CENPS: variants seen among roughly 807,000 people sequenced by gnomAD.
CENPS encodes centromere protein S, also known as FANCM associated histone fold protein 1.
CENPS carries 16 observed loss-of-function variants against 17.9 expected under a neutral mutation model. That is an observed-to-expected ratio of 0.90 (90% confidence interval 0.61 to 1.36). The LOEUF is 1.36. CENPS is among the 40% of genes most tolerant of loss of function. The pLI, the probability that CENPS is intolerant of heterozygous loss-of-function variation, is 0.00. For missense variants in CENPS, 160 were observed against 158.6 expected, an observed-to-expected ratio of 1.01 and a Z score of -0.05; for synonymous variants, 49 against 55.8, an observed-to-expected ratio of 0.88 and a Z score of 0.54.
intron 3 of CENPS, 35 bp downstream of exon 3, chr1:10,434,725 TG>T: frequency 6.4e-7 from 1 of 1,568,750 alleles, no homozygotes; most frequent in Non-Finnish European, 8.6e-7. Context: ...ACACTGCGTC[TG>T]TGTAGCTTTT....
intron 4 of CENPS, 54 bp downstream of exon 4, chr1:10,440,467 C>G: frequency 6.2e-7 from 1 of 1,600,902 alleles, no homozygotes; most frequent in Non-Finnish European, 8.5e-7. Context: ...TACATTATTC[C>G]CAATCAATCA....
Position 10,430,549 on chromosome 1 carries a change from A to G in CENPS, c.32A>G (p.Gln11Arg). 2 of 1,534,786 alleles carry G rather than the reference A, an allele frequency of 1.3e-6. No homozygotes were observed. The highest frequency in any genetic ancestry group is 2.4e-5 in the South Asian group (2 of 82,446). Residue 11 changes from glutamine (Q) to arginine (R), a missense_variant, in exon 1 of 5, where the codon CAG becomes CGG. Transcript: ENST00000309048. ...GAGGAGGCGGAGACCGAGGAGCAGCAGCGATTCTCTTACCAACAGGTACAG... is the reference window on the plus strand; with the variant it reads ...GAGGAGGCGGAGACCGAGGAGCAGCGGCGATTCTCTTACCAACAGGTACAG... The part of the protein sequence containing the change: MEEEAETEEQ[Q>R]RFSYQQRLKA...
At chr1:10,438,345 G>A (rs1194312704) in intron 3 of CENPS, among the ~76,000 whole-genome samples, 1 of 151,534 alleles carries the variant, frequency 6.6e-6, no homozygotes, top group African/African-American at 2.4e-5. Flanking sequence ...GGGTTTCACT[G>A]TGTTGGCCAG....
intron 3 of CENPS, chr1:10,440,089 G>T (rs187774073): frequency 2.3e-4 from 114 of 500,434 alleles, no homozygotes; most frequent in Non-Finnish European, 3.4e-4. Flanking sequence ...CCTCCTGTCT[G>T]TGCTCTTATG....
At chr1:10,431,202 T>C (rs1366382609) in intron 1 of CENPS, 13 of 1,508,002 alleles carry the variant, frequency 8.6e-6, no homozygotes, top group Non-Finnish European at 1.1e-5. Flanking sequence ...ATATGGGGCG[T>C]CAGAGGCTGA....
chr1:10,431,256 G>A, intron 1 of CENPS: 1 of 1,534,474 alleles, frequency 6.5e-7, no homozygotes, highest in Non-Finnish European at 8.7e-7. Context: ...CCGGAGTGGC[G>A]ACCTTAAAGA....
At chr1:10,430,802 G>A in intron 1 of CENPS, 1 of 1,354,980 alleles carries the variant, frequency 7.4e-7, no homozygotes, top group Non-Finnish European at 9.4e-7. Flanking sequence ...CTAGGGGAGC[G>A]TGCGGGCGCC....
At chr1:10,441,476 G>A (rs1266015678) in intron 4 of CENPS, among the ~76,000 whole-genome samples, 2 of 151,076 alleles carry the variant, frequency 1.3e-5, no homozygotes, top group African/African-American at 4.9e-5. Flanking sequence ...CACCACACCC[G>A]GCTATTTTTG....
At chr1:10,438,252 C>A (rs752012872) in intron 3 of CENPS, among the ~76,000 whole-genome samples, 10 of 152,284 alleles carry the variant, frequency 6.6e-5, no homozygotes, top group Non-Finnish European at 1.0e-4. Flanking sequence ...TCAAGCGATT[C>A]GCCTTTCTCA....
At chr1:10,433,133 GCTCAA>G (rs1314872410) in intron 1 of CENPS, among the ~76,000 whole-genome samples, 1 of 152,136 alleles carries the variant, frequency 6.6e-6, no homozygotes, top group Admixed American at 6.5e-5. Flanking sequence ...CCACAGGTGG[GCTCAA>G]CAGAACTCTG....
chr1:10,431,999 CTG>C (rs1020110950), intron 1 of CENPS, among the ~76,000 whole-genome samples: 5 of 151,966 alleles, frequency 3.3e-5, no homozygotes, highest in African/African-American at 1.2e-4. Flanking sequence ...TTTCTTTTAA[CTG>C]TCTTTTTTCC....
intron 1 of CENPS, 125 bp downstream of exon 1, chr1:10,430,693 GC>G: frequency 7.2e-7 from 1 of 1,388,632 alleles, no homozygotes; most frequent in Non-Finnish European, 9.3e-7. Flanking sequence ...CCCCGCGGCT[GC>G]GCATGCGTTG....
At chr1:10,431,400 C>A (rs1196740512) in intron 1 of CENPS, 1 of 1,535,266 alleles carries the variant, frequency 6.5e-7, no homozygotes, top group Admixed American at 2.0e-5. Context: ...TGCAAGAACA[C>A]GGTACAGAAT....
At chr1:10,435,706 T>TACACACACACACACACACAC (rs1405520586) in intron 3 of CENPS, among the ~76,000 whole-genome samples, 34 of 141,856 alleles carry the variant, frequency 2.4e-4, no homozygotes, top group Middle Eastern at 3.6e-3. Context: ...AAAAATAATA[T>TACACACACACACACACACAC]ATATATATAT....
In CENPS at chr1:10,442,587, G is replaced by A; in HGVS notation, c.*182G>A. 1 of 1,107,226 alleles carries A rather than the reference G, an allele frequency of 9.0e-7. No homozygotes were observed. Among genetic ancestry groups the A allele is most frequent in the Non-Finnish European group, 1.2e-6 (1 of 862,796 alleles). 68.6% of individuals were successfully genotyped at this position (1,107,226 alleles called of 1,614,324 possible). On this transcript the variant is annotated 3_prime_UTR_variant, in exon 5 of 5. Coordinates refer to ENST00000309048, the MANE Select transcript of CENPS (RefSeq NM_199294.3). ...GTTAACTGCCAAAGCTAGTTTTAGA[G>A]AATGAGAAAGTCTTAAGCAAAATAC... is the stretch of plus-strand genomic sequence containing the variant.
intron 3 of CENPS, among the ~76,000 whole-genome samples, 168 bp downstream of exon 3, chr1:10,434,858 G>A (rs1040925521): frequency 1.3e-5 from 2 of 152,096 alleles, no homozygotes; most frequent in African/African-American, 2.4e-5. Context: ...CTTCAATCAC[G>A]GTGATTCACA....
chr1:10,434,548 A>G (rs1570029906), intron 2 of CENPS, 109 bp from the exon 3 acceptor site: 7 of 1,502,074 alleles, frequency 4.7e-6, no homozygotes, highest in South Asian at 1.3e-5. Context: ...AGGGTTTGTT[A>G]TATTAGTCAA....
rs189020817 is a variant in CENPS at position 10,440,967 on chromosome 1, T to G, written c.276+554T>G. ...CCTGACTGAGTGTAATGCTAGACAT[T>G]AAAGCACGTGATGGCTGTGATAGAA... On this transcript the variant is annotated intron_variant, in intron 4 of 4. Transcript: ENST00000309048. 2.6e-5 allele frequency among the ~76,000 whole-genome samples: 4 copies of G among 152,282 alleles called. No homozygotes were observed. In the East Asian group the frequency reaches 7.7e-4, roughly 29 times the overall value.
chr1:10,439,839 C>CCT (rs1640332902), intron 3 of CENPS, among the ~76,000 whole-genome samples: 5 of 152,154 alleles, frequency 3.3e-5, no homozygotes, highest in Admixed American at 3.3e-4. Flanking sequence ...TTAGGAGGTG[C>CCT]CTGCATATGC....
Sources: allele counts gnomAD v4.1 joint callset (sites outside exome capture counted in the v4.1 genomes callset), GRCh38; gene constraint gnomAD v4.1.1; transcripts MANE v1.5; gene names NCBI Gene and HGNC (gene_info 2026-07-23, HGNC 2026-07-21).